Variants in AFG3L2 observed in about 807,000 individuals in gnomAD.
The protein encoded by AFG3L2 is AFG3 like matrix AAA peptidase subunit 2.
AFG3L2 carries 54 observed loss-of-function variants against 94.5 expected under a neutral mutation model. That is an observed-to-expected ratio of 0.57 (90% CI 0.46 to 0.72). The LOEUF (loss-of-function observed/expected upper bound fraction) is 0.72. AFG3L2 is among the 30% of genes least tolerant of loss of function. The pLI is 0.00. For missense variants in AFG3L2, 754 were observed against 994.9 expected, an observed-to-expected ratio of 0.76 and a Z score of 3.26; for synonymous variants, 377 against 365.5, an observed-to-expected ratio of 1.03 and a Z score of -0.36.
intron 13 of AFG3L2, among the ~76,000 whole-genome samples, chr18:12,344,806 C>T (rs1171265236): frequency 6.6e-6 from 1 of 152,168 alleles, no homozygotes; most frequent in East Asian, 1.9e-4. Flanking sequence ...ACTCCCCCAT[C>T]CCCAGGCCTG....
chr18:12,372,416 G>T (rs754925038), intron 1 of AFG3L2, among the ~76,000 whole-genome samples: 1 of 152,176 alleles, frequency 6.6e-6, no homozygotes, highest in East Asian at 1.9e-4. Context: ...TGAGAAACTG[G>T]AGCCCTGTAC....
intron 8 of AFG3L2, 44 bp downstream of exon 8, chr18:12,358,626 G>C (rs1250327795): frequency 6.3e-7 from 1 of 1,582,474 alleles, no homozygotes; most frequent in Non-Finnish European, 8.6e-7. Context: ...TAACTTCAGA[G>C]ATCAAGAAAC....
rs562436310 is a variant in AFG3L2 at position 12,350,420 on chromosome 18, G to C, written c.1552+665C>G. On this transcript the variant is annotated intron_variant, in intron 12 of 16. Coordinates refer to ENST00000269143, the MANE Select transcript of AFG3L2 (RefSeq NM_006796.3). ...TTTTAGTTAACTTTATTTCAATAGA[G>C]CTTTTAAAAAAACGCTTAGGAATAA... Among the ~76,000 whole-genome samples, 9 of 150,482 alleles carry C rather than the reference G, an allele frequency of 6.0e-5. No homozygotes were observed. The South Asian group carries it at 1.9e-3, about 31-fold the overall frequency.
intron 1 of AFG3L2, among the ~76,000 whole-genome samples, chr18:12,375,982 T>TA (rs1909143058): frequency 6.6e-6 from 1 of 152,032 alleles, no homozygotes; most frequent in African/African-American, 2.4e-5. Flanking sequence ...CCCCGTCTCT[T>TA]AAAAAATAAA....
At chr18:12,341,699 T>G (rs1907958334) in intron 14 of AFG3L2, 1 of 152,240 alleles carries the variant, frequency 6.6e-6, no homozygotes, top group Non-Finnish European at 1.5e-5. Flanking sequence ...TTATTGATAT[T>G]ATACATAAAG....
intron 16 of AFG3L2, among the ~76,000 whole-genome samples, chr18:12,330,920 ACAGCCAAC>A (rs1294932203): frequency 2.0e-5 from 3 of 152,170 alleles, no homozygotes; most frequent in African/African-American, 7.2e-5. Context: ...CCAATCATAA[ACAGCCAAC>A]CAGCCAACTG....
intron 15 of AFG3L2, 152 bp from the exon 16 acceptor site, chr18:12,337,687 T>C: frequency 1.4e-6 from 1 of 715,738 alleles, no homozygotes; most frequent in Non-Finnish European, 2.5e-6. Flanking sequence ...AACTCATGAC[T>C]AGAAACACAG....
intron 5 of AFG3L2, 129 bp downstream of exon 5, chr18:12,366,836 A>G: frequency 1.5e-6 from 2 of 1,332,620 alleles, no homozygotes; most frequent in Non-Finnish European, 2.1e-6. Flanking sequence ...AGCATTAGAA[A>G]AATCTGAGTG....
intron 13 of AFG3L2, among the ~76,000 whole-genome samples, chr18:12,346,747 T>C (rs12455273): frequency 0.68 from 102,933 of 151,276 alleles, 36,263 homozygotes; most frequent in Non-Finnish European, 0.78. Context: ...CTACTAAAAA[T>C]ACAAAAATTA....
Position 12,376,963 on chromosome 18 carries a change from A to C in AFG3L2, c.114+6T>G. On this transcript the variant is annotated splice_donor_region_variant and intron_variant, in intron 1 of 16. Coordinates refer to ENST00000269143, the MANE Select transcript of AFG3L2 (RefSeq NM_006796.3). The stretch of plus-strand genomic sequence containing the variant: ...GGAGGGCGCCGGGCGCCCAGGTAGG[A>C]CTCACCGTCCGGAGGCAGGGCTGCT... The C allele has an allele frequency of 6.9e-7, 1 of 1,452,586 alleles. No individual in the cohort carries two copies. Among genetic ancestry groups the C allele is most frequent in the Non-Finnish European group, 9.0e-7 (1 of 1,105,728 alleles). 90.0% of individuals were successfully genotyped at this position (1,452,586 alleles called of 1,614,324 possible). A position where few individuals can be genotyped will look rare whatever the true frequency, so the allele number is the denominator to read the frequency against.
intron 14 of AFG3L2, chr18:12,342,250 T>C (rs1393993164): frequency 6.6e-6 from 1 of 152,208 alleles, no homozygotes; most frequent in Non-Finnish European, 1.5e-5. Context: ...CTTCTTCATT[T>C]TAACCATTCT....
Position 12,377,172 on chromosome 18 carries a change from G to C in AFG3L2, c.-90C>G, listed in dbSNP as rs1157844986. The C allele has an allele frequency of 2.9e-6, 3 of 1,043,586 alleles. No individual in the cohort carries two copies. The highest frequency in any genetic ancestry group is 4.0e-6 in the Non-Finnish European group (3 of 749,622). The allele number at this position is 1,043,586 out of a possible 1,614,324, so 64.6% of individuals were successfully genotyped here. ...CCTCGGGAAGCGGGCTCGGCTCGGG[G>C]AAAGGCCGCCAGGCAGCGAAGCGCG... On this transcript the variant is annotated 5_prime_UTR_variant, in exon 1 of 17. Transcript: ENST00000269143.
intron 8 of AFG3L2, among the ~76,000 whole-genome samples, chr18:12,357,548 C>G (rs73401924): frequency 6.6e-6 from 1 of 152,000 alleles, no homozygotes; most frequent in Admixed American, 6.6e-5. Context: ...AAGTAGAAAT[C>G]TAACGACCAA....
Position 12,340,360 on chromosome 18 carries a change from C to T in AFG3L2, c.1821G>A (p.Gln607=), listed in dbSNP as rs749806446. 5 of 1,614,052 alleles carry T rather than the reference C, an allele frequency of 3.1e-6. No individual in the cohort carries two copies. Among genetic ancestry groups the T allele is most frequent in the East Asian group, 2.2e-5 (1 of 44,884 alleles). The stretch of plus-strand genomic sequence containing the variant: ...AGAGGTATTGTTCTTTTGGTAAATA[C>T]TGAGCATAACCTAGTCCTTTGCCAC... ...IPRGKGLGYA[Q]YLPKEQYLYT... is the part of the protein sequence containing the mutation. The change falls in exon 15 of 17, where the codon CAG becomes CAA. Residue 607 remains glutamine (Q), a synonymous_variant. Coordinates refer to ENST00000269143, the MANE Select transcript of AFG3L2 (RefSeq NM_006796.3).
At chr18:12,365,963 C>T (rs563097605) in intron 5 of AFG3L2, among the ~76,000 whole-genome samples, 1 of 151,646 alleles carries the variant, frequency 6.6e-6, no homozygotes, top group Admixed American at 6.6e-5. Context: ...CAAGCTCCGC[C>T]TCCCGGGTTC....
chr18:12,376,731 G>GA (rs1386185705), intron 1 of AFG3L2, among the ~76,000 whole-genome samples: 1 of 152,210 alleles, frequency 6.6e-6, no homozygotes, highest in East Asian at 1.9e-4. Flanking sequence ...GGTGAAGCGC[G>GA]AAAACCCGGC....
At chr18:12,359,754 A>C (rs1393889684) in intron 7 of AFG3L2, among the ~76,000 whole-genome samples, 173 bp downstream of exon 7, 1 of 152,134 alleles carries the variant, frequency 6.6e-6, no homozygotes, top group Non-Finnish European at 1.5e-5. Flanking sequence ...AAAAAAAAGA[A>C]AATGAATGAG....
chr18:12,344,285 A>G (rs1478254964), intron 13 of AFG3L2, 38 bp from the exon 14 acceptor site: 1 of 1,511,316 alleles, frequency 6.6e-7, no homozygotes, highest in Non-Finnish European at 9.2e-7. Context: ...AGCCATTGTT[A>G]CAGTGACACT....
chr18:12,343,620 T>A (rs1908025361), intron 14 of AFG3L2: 1 of 162,238 alleles, frequency 6.2e-6, no homozygotes, highest in Non-Finnish European at 1.4e-5. Context: ...TCTCTGGGAT[T>A]GCCACTGTGC....
Sources: allele counts gnomAD v4.1 joint callset (sites outside exome capture counted in the v4.1 genomes callset), GRCh38; gene constraint gnomAD v4.1.1; transcripts MANE v1.5; gene names NCBI Gene and HGNC (gene_info 2026-07-23, HGNC 2026-07-21).